The following SOX5 variants were observed in gnomAD, a reference collection of about 807,000 sequenced individuals.
SOX5 encodes the protein transcription factor SOX-5.
A neutral mutation model predicts 92.0 loss-of-function variants in SOX5; 9 were observed. The ratio of observed to expected loss-of-function variants is 0.10; its 90% CI spans 0.06 to 0.17. The LOEUF is 0.17. Ranked by LOEUF, SOX5 falls within the 10% of genes least tolerant of loss-of-function variation. SOX5 has a pLI of 1.00. For synonymous variants in SOX5, 344 were observed against 336.3 expected, an observed-to-expected ratio of 1.02 and a Z score of -0.25; for missense variants, 642 against 944.5, an observed-to-expected ratio of 0.68 and a Z score of 4.20.
chr12:24,286,378 T>C (rs137946566), intron 2 of SOX5, among the ~76,000 whole-genome samples: 1 of 152,250 alleles, frequency 6.6e-6, no homozygotes, highest in Non-Finnish European at 1.5e-5. Context: ...AATCGGGTAC[T>C]ATTAGGAGGA....
At chr12:24,114,463 G>A (rs1947741841) in intron 4 of SOX5, among the ~76,000 whole-genome samples, 1 of 148,762 alleles carries the variant, frequency 6.7e-6, no homozygotes, top group African/African-American at 2.5e-5. Flanking sequence ...TGTAATCCCA[G>A]CTTGTTGGAA....
At chr12:23,759,044 C>T (rs1016642288) in intron 3 of SOX5, among the ~76,000 whole-genome samples, 2 of 151,224 alleles carry the variant, frequency 1.3e-5, no homozygotes, top group African/African-American at 4.9e-5. Flanking sequence ...CACACACACA[C>T]ACACACACAC....
At position 24,409,659 on chromosome 12, in the gene SOX5, T is replaced by C. The variant is rs73283483; in HGVS notation, c.-250-41020A>G. ...CAGAATTTTACATCCCCACCAACAA[T>C]GTCTGAATGAGCTAGTTTCTGTACA... On this transcript the variant is annotated intron_variant, in intron 1 of 4. Coordinates refer to the SOX5 transcript ENST00000446891. 5.8e-3 allele frequency among the ~76,000 whole-genome samples: 881 copies of C among 152,238 alleles called. 9 individuals carry two copies. Among genetic ancestry groups the C allele is most frequent in the African/African-American group, 0.021 (852 of 41,554 alleles).
At chr12:24,340,872 T>C (rs1262743458) in intron 2 of SOX5, among the ~76,000 whole-genome samples, 2 of 152,196 alleles carry the variant, frequency 1.3e-5, no homozygotes, top group Non-Finnish European at 2.9e-5. Flanking sequence ...TGTTAGTTCA[T>C]TTTGACGAAG....
At chr12:23,894,562 G>C (rs12425715) in intron 2 of SOX5, among the ~76,000 whole-genome samples, 8,202 of 152,096 alleles carry the variant, frequency 0.054, 347 homozygotes, top group Admixed American at 0.11. Flanking sequence ...TCTTGGAATT[G>C]TCAAATGCCC....
chr12:23,903,808 C>T (rs930793505), intron 1 of SOX5, among the ~76,000 whole-genome samples: 44 of 152,080 alleles, frequency 2.9e-4, no homozygotes, highest in African/African-American at 1.1e-3. Context: ...AAAGGCTAAT[C>T]AATATTAGGA....
chr12:24,518,510 C>T (rs1279578518), intron 1 of SOX5, among the ~76,000 whole-genome samples: 2 of 152,028 alleles, frequency 1.3e-5, no homozygotes. Context: ...TCAGAAAGTA[C>T]AGAGAATCAC....
intron 2 of SOX5, among the ~76,000 whole-genome samples, chr12:24,311,235 ACTT>A (rs1949140618): frequency 6.6e-6 from 1 of 152,136 alleles, no homozygotes; most frequent in South Asian, 2.1e-4. Context: ...CTAAAATCAT[ACTT>A]CTATTGTCCA....
At chr12:23,600,209 A>G (rs561312725) in intron 9 of SOX5, among the ~76,000 whole-genome samples, 1 of 152,312 alleles carries the variant, frequency 6.6e-6, no homozygotes, top group East Asian at 1.9e-4. Flanking sequence ...ATCTCCTGTC[A>G]TAAAAGTTCA....
At chr12:23,792,622 CAAAAAAAAAAAAAAAAAAAAA>C (rs749845598) in intron 3 of SOX5, among the ~76,000 whole-genome samples, 16 of 38,938 alleles carry the variant, frequency 4.1e-4, no homozygotes, top group African/African-American at 9.5e-4. Flanking sequence ...GGCTCTGTCT[CAAAAAAAAAAAAAAAAAAAAA>C]AAAAAAAAAA....
intron 2 of SOX5, among the ~76,000 whole-genome samples, chr12:23,880,105 A>G (rs2096971399): frequency 1.3e-5 from 2 of 152,202 alleles, no homozygotes; most frequent in African/African-American, 4.8e-5. Flanking sequence ...GCAATAATCT[A>G]TTTCAATTGC....
chr12:24,416,316 C>G (rs1319605483), intron 1 of SOX5, among the ~76,000 whole-genome samples: 1 of 152,182 alleles, frequency 6.6e-6, no homozygotes, highest in Non-Finnish European at 1.5e-5. Context: ...TTGGACTAGC[C>G]CATGTAACAT....
chr12:23,590,757 A>G (rs1951421161), intron 9 of SOX5, among the ~76,000 whole-genome samples: 1 of 152,072 alleles, frequency 6.6e-6, no homozygotes, highest in African/African-American at 2.4e-5. Flanking sequence ...TTGTTTTGAC[A>G]TCTTCTAAAA....
chr12:23,656,519 C>G (rs143302452), intron 7 of SOX5, among the ~76,000 whole-genome samples: 1 of 151,940 alleles, frequency 6.6e-6, no homozygotes, highest in Non-Finnish European at 1.5e-5. Flanking sequence ...AGTGGGGAAA[C>G]CAAATAAAAT....
chr12:23,552,639 C>T (rs1944424059), intron 11 of SOX5, among the ~76,000 whole-genome samples: 1 of 151,896 alleles, frequency 6.6e-6, no homozygotes, highest in East Asian at 1.9e-4. Context: ...AGATAGAACA[C>T]TGATCAAAGA....
chr12:23,799,565 G>A (rs2095625161), intron 3 of SOX5, among the ~76,000 whole-genome samples: 1 of 152,012 alleles, frequency 6.6e-6, no homozygotes, highest in African/African-American at 2.4e-5. Context: ...TATCCGAAGT[G>A]AAAACATTCT....
chr12:24,033,554 T>A (rs1304032908), intron 4 of SOX5, among the ~76,000 whole-genome samples: 1 of 152,038 alleles, frequency 6.6e-6, no homozygotes, highest in African/African-American at 2.4e-5. Context: ...ACCAGAAGTT[T>A]AATTCAGACA....
chr12:23,957,106 C>T lies in SOX5; in HGVS notation c.-1-61082G>A, dbSNP rs539011364. Among the ~76,000 whole-genome samples the T allele has an allele frequency of 1.4e-3, 213 of 152,258 alleles. 2 individuals are homozygous for T. The highest frequency in any genetic ancestry group is 4.7e-3 in the African/African-American group (194 of 41,550). ...AAATTTCTTGCCTTCCTAAGTCCTTCTTTACAGTTTTAAGACTATTACTTG... is the reference window on the plus strand; with the variant it reads ...AAATTTCTTGCCTTCCTAAGTCCTTTTTTACAGTTTTAAGACTATTACTTG... On this transcript the variant is annotated intron_variant, in intron 4 of 4. Coordinates refer to the SOX5 transcript ENST00000446891.
chr12:23,758,765 A>G lies in SOX5; in HGVS notation c.482-3041T>C, dbSNP rs556626457. On this transcript the variant is annotated intron_variant, in intron 3 of 14. Coordinates refer to ENST00000451604, the MANE Select transcript of SOX5 (RefSeq NM_006940.6). ...CCTAATGGAAGGTATTTAGGTCATA[A>G]GGGCTCCACCCACATGAATGGATTA... is the stretch of plus-strand genomic sequence containing the variant. Among the ~76,000 whole-genome samples, 8 of 151,990 alleles carry G rather than the reference A, an allele frequency of 5.3e-5. No homozygotes were observed. The South Asian group carries it at 1.7e-3, about 32-fold the overall frequency.
Sources: allele counts gnomAD v4.1 joint callset (sites outside exome capture counted in the v4.1 genomes callset), GRCh38; gene constraint gnomAD v4.1.1; transcripts MANE v1.5; gene names NCBI Gene and HGNC (gene_info 2026-07-23, HGNC 2026-07-21).